CMIP: variants seen among roughly 807,000 people sequenced by gnomAD.
CMIP encodes C-Maf-inducing protein.
CMIP carries 13 observed loss-of-function variants against 97.3 expected under a neutral mutation model. That is an observed-to-expected ratio of 0.13 (90% confidence interval 0.09 to 0.21). The LOEUF (loss-of-function observed/expected upper bound fraction) is 0.21. Among genes scored for constraint, CMIP ranks in the 10% least tolerant of loss-of-function variants. The pLI, the probability that CMIP is intolerant of heterozygous loss-of-function variation, is 1.00. For missense variants in CMIP, 847 were observed against 1,024.9 expected (o/e 0.83, Z 2.37); for synonymous variants, 538 against 436.3 (o/e 1.23, Z -2.91).
At chr16:81,636,077 TTGTGTGTG>T (rs56009887) in intron 3 of CMIP, among the ~76,000 whole-genome samples, 12 of 151,416 alleles carry the variant, frequency 7.9e-5, no homozygotes, top group Admixed American at 7.9e-4. Flanking sequence ...GGTTGTGTGT[TTGTGTGTG>T]TGAGTGTGTG....
chr16:81,512,806 A>G (rs1460027793), intron 1 of CMIP, among the ~76,000 whole-genome samples: 1 of 152,086 alleles, frequency 6.6e-6, no homozygotes, highest in East Asian at 1.9e-4. Context: ...GCATGATCTC[A>G]GCTCACTGCA....
chr16:81,686,798 C>T (rs567132299), intron 10 of CMIP, among the ~76,000 whole-genome samples: 5 of 152,254 alleles, frequency 3.3e-5, no homozygotes, highest in African/African-American at 1.2e-4. Flanking sequence ...AACATCTCCT[C>T]CCGTTTCTAT....
chr16:81,709,498 C>T (rs771761675), intron 20 of CMIP, among the ~76,000 whole-genome samples: 16 of 152,290 alleles, frequency 1.1e-4, no homozygotes, highest in Non-Finnish European at 1.8e-4. Context: ...AAGACAGAGA[C>T]CAAAGGCCAT....
intron 1 of CMIP, among the ~76,000 whole-genome samples, chr16:81,515,996 C>T (rs765940314): frequency 6.6e-6 from 1 of 152,238 alleles, no homozygotes; most frequent in Non-Finnish European, 1.5e-5. Context: ...CCCTGGGCCT[C>T]AGTCCTGCCA....
chr16:81,596,057 T>C (rs1339226167), intron 1 of CMIP, among the ~76,000 whole-genome samples: 1 of 152,196 alleles, frequency 6.6e-6, no homozygotes, highest in Non-Finnish European at 1.5e-5. Flanking sequence ...CTACGTTCTT[T>C]TATTTATTTG....
At chr16:81,685,139 A>G (rs1567661555) in intron 10 of CMIP, among the ~76,000 whole-genome samples, 1 of 151,782 alleles carries the variant, frequency 6.6e-6, no homozygotes, top group East Asian at 1.9e-4. Flanking sequence ...TCATCCACCA[A>G]CCTGGTCCGA....
At chr16:81,475,029 G>A (rs1294665434) in intron 1 of CMIP, among the ~76,000 whole-genome samples, 1 of 152,174 alleles carries the variant, frequency 6.6e-6, no homozygotes, top group Non-Finnish European at 1.5e-5. Flanking sequence ...CCTCTTCACC[G>A]TGGCCTTGTG....
chr16:81,515,262 C>T (rs550575316), intron 1 of CMIP, among the ~76,000 whole-genome samples: 14 of 152,358 alleles, frequency 9.2e-5, no homozygotes, highest in Non-Finnish European at 1.8e-4. Context: ...AACCCTCTCA[C>T]CTGTCAGCGA....
chr16:81,664,771 A>T, intron 7 of CMIP: 1 of 352,982 alleles, frequency 2.8e-6, no homozygotes, highest in Non-Finnish European at 5.1e-6. Context: ...AACCAGACAC[A>T]CTCAGCCTCA....
intron 1 of CMIP, among the ~76,000 whole-genome samples, chr16:81,501,100 C>A (rs2089601894): frequency 1.3e-5 from 2 of 152,186 alleles, no homozygotes; most frequent in South Asian, 4.1e-4. Flanking sequence ...TTTCTAAGAC[C>A]TACTGAGAAT....
chr16:81,624,273 C>T (rs542788770), intron 3 of CMIP, among the ~76,000 whole-genome samples: 2 of 152,224 alleles, frequency 1.3e-5, no homozygotes, highest in Non-Finnish European at 2.9e-5. Flanking sequence ...AGGTTTGTTA[C>T]ATATGTATAT....
Position 81,555,998 on chromosome 16 carries a change from C to G in CMIP, c.301-51569C>G, listed in dbSNP as rs984982666. Among the ~76,000 whole-genome samples the G allele has an allele frequency of 3.9e-5, 6 of 152,288 alleles. No homozygotes were observed. The South Asian group carries it at 1.2e-3, about 32-fold the overall frequency. ...GAGCTCCATTGTGACTGTTACTTTT[C>G]TTAGAATTTGAGTCCAGTCCTGGCC... is the stretch of plus-strand genomic sequence containing the variant. On this transcript the variant is annotated intron_variant, in intron 1 of 20. Transcript: ENST00000537098.
chr16:81,593,259 T>A (rs2091493673), intron 1 of CMIP, among the ~76,000 whole-genome samples: 1 of 152,104 alleles, frequency 6.6e-6, no homozygotes, highest in Non-Finnish European at 1.5e-5. Flanking sequence ...GAAGGGTGCC[T>A]GGAGGGTCTT....
intron 2 of CMIP, chr16:81,610,391 C>G: frequency 2.0e-6 from 2 of 985,700 alleles, no homozygotes; most frequent in Non-Finnish European, 2.4e-6. Context: ...CCGTGGACAG[C>G]GCAGTCAGAG....
At chr16:81,603,068 G>GT (rs57505825) in intron 1 of CMIP, among the ~76,000 whole-genome samples, 6,286 of 151,864 alleles carry the variant, frequency 0.041, 229 homozygotes, top group East Asian at 0.22. Flanking sequence ...AGCAGCAGCA[G>GT]TTTTTTTTGT....
At position 81,641,242 on chromosome 16, in the gene CMIP, A is replaced by G. The variant is rs1271244378; in HGVS notation, c.478-10961A>G. ...CCTGGCCTAAAGCAGCACCTAACGC[A>G]TGTTAGCCTTCAGTGCCATTTTCAT... On this transcript the variant is annotated intron_variant, in intron 3 of 20. Coordinates refer to ENST00000537098, the MANE Select transcript of CMIP (RefSeq NM_198390.3). Among the ~76,000 whole-genome samples the G allele has an allele frequency of 3.9e-5, 6 of 152,102 alleles. No homozygotes were observed. The South Asian group carries it at 6.2e-4, about 16-fold the overall frequency.
intron 1 of CMIP, among the ~76,000 whole-genome samples, chr16:81,589,610 G>GGCAAGAAAAAT (rs1318051504): frequency 2.0e-5 from 3 of 152,134 alleles, no homozygotes; most frequent in Non-Finnish European, 2.9e-5. Flanking sequence ...AGGCATGCAT[G>GGCAAGAAAAAT]GCAAGAAAAA....
At chr16:81,645,669 A>C (rs2092356601) in intron 3 of CMIP, 1 of 1,506,462 alleles carries the variant, frequency 6.6e-7, no homozygotes, top group African/African-American at 1.4e-5. Context: ...CCAGACGGGA[A>C]GCAGGAGGCT....
Position 81,528,222 on chromosome 16 carries a change from A to G in CMIP, c.301-79345A>G, listed in dbSNP as rs1017754722. 2.0e-5 allele frequency among the ~76,000 whole-genome samples: 3 copies of G among 152,212 alleles called. No homozygotes were observed. The East Asian group carries it at 5.8e-4, about 29-fold the overall frequency. On this transcript the variant is annotated intron_variant, in intron 1 of 20. Transcript: ENST00000537098. ...ACATTCATGACAACTTCATAGAAAA[A>G]TAGTATTTTTAAGGAGATGGTTGAA...
Sources: allele counts gnomAD v4.1 joint callset (sites outside exome capture counted in the v4.1 genomes callset), GRCh38; gene constraint gnomAD v4.1.1; transcripts MANE v1.5; gene names NCBI Gene and HGNC (gene_info 2026-07-23, HGNC 2026-07-21).